The following FSTL5 variants were observed in gnomAD, a reference collection of about 807,000 sequenced individuals.
FSTL5 encodes follistatin-related protein 5.
A neutral mutation model predicts 89.1 loss-of-function variants in FSTL5; 62 were observed. The observed-to-expected ratio is 0.70, with a 90% CI of 0.57 to 0.86. The LOEUF is 0.86. FSTL5 is among the 40% of genes least tolerant of loss of function. The pLI is 0.00. For synonymous variants in FSTL5, 383 were observed against 346.2 expected, an observed-to-expected ratio of 1.11 and a Z score of -1.18; for missense variants, 1,057 against 1,001.6, an observed-to-expected ratio of 1.06 and a Z score of -0.75.
Position 161,455,070 on chromosome 4 carries a change from C to G in FSTL5, c.1775G>C (p.Gly592Ala). 6.2e-7 allele frequency: 1 copy of G among 1,613,400 alleles called. No homozygotes were observed. Among genetic ancestry groups the G allele is most frequent in the Non-Finnish European group, 8.5e-7 (1 of 1,179,620 alleles). Residue 592 changes from glycine (G) to alanine (A), a missense_variant, in exon 15 of 16, where the codon GGA (glycine) becomes GCA (alanine). Around this residue, in one of 3 missense-constraint regions of FSTL5, gnomAD observed 980 missense variants for 903.2 expected, o/e 1.08. Transcript: ENST00000306100. ...PHHTIHTQPV[G>A]KQFDRVDDFF... Reference sequence around the variant, plus strand: ...ATCATCCACTCTGTCAAATTGCTTTCCCACTGGTTGGGTGTGGATCGTGTG... The same window carrying G: ...ATCATCCACTCTGTCAAATTGCTTTGCCACTGGTTGGGTGTGGATCGTGTG...
At chr4:161,783,304 G>A (rs1471888238) in intron 4 of FSTL5, among the ~76,000 whole-genome samples, 5 of 152,124 alleles carry the variant, frequency 3.3e-5, no homozygotes, top group East Asian at 1.9e-4. Context: ...ATGAAAAGAC[G>A]TGCCTTTTAC....
At chr4:162,140,158 C>T (rs1230478082) in intron 1 of FSTL5, among the ~76,000 whole-genome samples, 2 of 151,814 alleles carry the variant, frequency 1.3e-5, no homozygotes, top group African/African-American at 4.8e-5. Flanking sequence ...TAGGAAGCAA[C>T]CAAAATACAT....
chr4:161,566,843 G>T (rs754971796), intron 8 of FSTL5, among the ~76,000 whole-genome samples: 2 of 152,060 alleles, frequency 1.3e-5, no homozygotes, highest in Non-Finnish European at 2.9e-5. Flanking sequence ...AAAAGCCTAG[G>T]TATAGCATGT....
intron 4 of FSTL5, among the ~76,000 whole-genome samples, chr4:161,905,989 CTT>C (rs1733511946): frequency 6.6e-6 from 1 of 152,154 alleles, no homozygotes; most frequent in Non-Finnish European, 1.5e-5. Flanking sequence ...GGAAAAGAGA[CTT>C]GAGTGCCCTG....
At chr4:161,784,895 A>AAAAAACAAAACAAAACAAAAC (rs1553965827) in intron 4 of FSTL5, among the ~76,000 whole-genome samples, 3 of 141,964 alleles carry the variant, frequency 2.1e-5, no homozygotes, top group African/African-American at 8.0e-5. Flanking sequence ...TCCGTCTCAA[A>AAAAAACAAAACAAAACAAAAC]AAAAACAAAA....
At position 161,646,378 on chromosome 4, in the gene FSTL5, A is replaced by G. The variant is rs1227501991; in HGVS notation, c.894+9950T>C. Among the ~76,000 whole-genome samples the G allele has an allele frequency of 2.7e-5, 4 of 150,234 alleles. No homozygotes were observed. In the East Asian group the frequency reaches 5.8e-4, roughly 22 times the overall value. ...ATATTAAAAATTCAGCAGTTTAGTT[A>G]GAAGCCTCAACTATTAAAATCTCTG... On this transcript the variant is annotated intron_variant, in intron 7 of 15. Coordinates refer to ENST00000306100, the MANE Select transcript of FSTL5 (RefSeq NM_020116.5).
chr4:161,709,447 C>T (rs942740281), intron 6 of FSTL5, among the ~76,000 whole-genome samples: 2 of 152,058 alleles, frequency 1.3e-5, no homozygotes, highest in African/African-American at 4.8e-5. Flanking sequence ...AAAAAATCAA[C>T]TGAGAGATAC....
At chr4:161,984,968 T>C (rs945364903) in intron 3 of FSTL5, among the ~76,000 whole-genome samples, 1 of 152,010 alleles carries the variant, frequency 6.6e-6, no homozygotes, top group Non-Finnish European at 1.5e-5. Flanking sequence ...ACTTTTTTTT[T>C]TTTTTTAAGA....
chr4:161,528,229 G>T (rs564001938), intron 10 of FSTL5, among the ~76,000 whole-genome samples: 2 of 140,490 alleles, frequency 1.4e-5, no homozygotes, highest in Non-Finnish European at 3.1e-5. Flanking sequence ...ACACCAGCAT[G>T]TCACATGTAT....
At chr4:162,054,636 C>G (rs1293208720) in intron 2 of FSTL5, among the ~76,000 whole-genome samples, 1 of 151,882 alleles carries the variant, frequency 6.6e-6, no homozygotes, top group Non-Finnish European at 1.5e-5. Context: ...CCATCACTCT[C>G]TTTTCTTAGA....
chr4:162,151,938 T>G (rs1202656510), intron 1 of FSTL5, among the ~76,000 whole-genome samples: 1 of 152,156 alleles, frequency 6.6e-6, no homozygotes, highest in East Asian at 1.9e-4. Context: ...CCTCTACTGA[T>G]TTTTAGACAG....
At chr4:161,426,331 T>A (rs989780322) in intron 15 of FSTL5, among the ~76,000 whole-genome samples, 2 of 152,180 alleles carry the variant, frequency 1.3e-5, no homozygotes. Context: ...AATGCTTCAA[T>A]AGCTGTAATC....
chr4:162,110,876 G>T (rs900222699), intron 2 of FSTL5, among the ~76,000 whole-genome samples: 1 of 151,472 alleles, frequency 6.6e-6, no homozygotes, highest in African/African-American at 2.4e-5. Flanking sequence ...ATAATTTTTT[G>T]TTTATCTTAT....
In FSTL5 at chr4:161,757,239, T is replaced by A. The variant is rs148132444; in HGVS notation, c.727+2172A>T. On this transcript the variant is annotated intron_variant, in intron 6 of 15. Transcript: ENST00000306100. ...ATTTAGTTATTTAATTTCCACCACC[T>A]TCATAAGGTATCCCTGATTTCCAAA... Among the ~76,000 whole-genome samples the A allele has an allele frequency of 1.1e-4, 17 of 152,300 alleles. No individual in the cohort carries two copies. In the East Asian group the frequency reaches 3.3e-3, roughly 29 times the overall value.
intron 6 of FSTL5, among the ~76,000 whole-genome samples, chr4:161,657,659 A>C (rs962281077): frequency 2.0e-5 from 3 of 152,108 alleles, no homozygotes; most frequent in Non-Finnish European, 4.4e-5. Context: ...TGAGATGCTA[A>C]ACAAGTGAGT....
chr4:162,022,040 G>A (rs1053143380), intron 3 of FSTL5, among the ~76,000 whole-genome samples: 2 of 151,142 alleles, frequency 1.3e-5, no homozygotes, highest in African/African-American at 2.4e-5. Flanking sequence ...GCAGTGGGCC[G>A]AGATTGCACC....
chr4:161,419,371 A>T (rs1171815442), intron 15 of FSTL5, among the ~76,000 whole-genome samples: 1 of 152,202 alleles, frequency 6.6e-6, no homozygotes. Context: ...TAGCATTTTA[A>T]AAATAAGGAC....
chr4:161,714,639 T>A (rs1247249648), intron 6 of FSTL5, among the ~76,000 whole-genome samples: 1 of 152,160 alleles, frequency 6.6e-6, no homozygotes, highest in East Asian at 1.9e-4. Context: ...TTTATGGTTA[T>A]CCCAATGTCA....
chr4:161,471,381 T>A (rs1733936195), intron 13 of FSTL5, among the ~76,000 whole-genome samples: 1 of 152,232 alleles, frequency 6.6e-6, no homozygotes, highest in African/African-American at 2.4e-5. Flanking sequence ...TGTTGAATCA[T>A]CCTTGCATTC....
Sources: gnomAD v4.1 joint callset for allele counts (sites outside exome capture counted in the v4.1 genomes callset) on GRCh38, gnomAD v4.1.1 for gene constraint, gnomAD v4.1.1 regional missense constraint, MANE v1.5 for transcripts, NCBI Gene and HGNC (gene_info 2026-07-23, HGNC 2026-07-21) for gene names.